Variants in KIF18A observed in about 807,000 individuals in gnomAD.
KIF18A encodes kinesin-like protein KIF18A.
A neutral mutation model predicts 103.3 loss-of-function variants in KIF18A; 67 were observed. The ratio of observed to expected loss-of-function variants is 0.65; its 90% CI spans 0.53 to 0.79. KIF18A has a LOEUF of 0.79. KIF18A is among the 30% of genes least tolerant of loss of function. The pLI, the probability that KIF18A is intolerant of heterozygous loss-of-function variation, is 0.00. For missense variants in KIF18A, 1,032 were observed against 1,062.5 expected, an observed-to-expected ratio of 0.97 and a Z score of 0.40; for synonymous variants, 367 against 355.5, an observed-to-expected ratio of 1.03 and a Z score of -0.36.
intron 1 of KIF18A, among the ~76,000 whole-genome samples, chr11:28,101,135 C>CTTAGAACTGCCCTGTTATAGGGCAT (rs1237665642): frequency 9.2e-5 from 14 of 152,062 alleles, no homozygotes; most frequent in Non-Finnish European, 1.5e-4. Flanking sequence ...TTCTTCCTTG[C>CTTAGAACTGCCCTGTTATAGGGCAT]TTAGAACTGC....
intron 11 of KIF18A, among the ~76,000 whole-genome samples, chr11:28,067,118 AT>A (rs756024002): frequency 3.9e-5 from 6 of 151,972 alleles, no homozygotes; most frequent in Non-Finnish European, 7.4e-5. Flanking sequence ...ATATGCCAGA[AT>A]TACCAAACAC....
chr11:28,092,409 G>A (rs1247612593), intron 3 of KIF18A, among the ~76,000 whole-genome samples: 1 of 152,134 alleles, frequency 6.6e-6, no homozygotes, highest in Non-Finnish European at 1.5e-5. Flanking sequence ...GACTCTGAGA[G>A]GTTAAATGAT....
chr11:28,101,307 G>T (rs1356629990), intron 1 of KIF18A, among the ~76,000 whole-genome samples: 3 of 152,038 alleles, frequency 2.0e-5, no homozygotes, highest in Non-Finnish European at 4.4e-5. Flanking sequence ...TATTTTAACA[G>T]ATATACTATT....
rs559255098 is a variant in KIF18A, at chr11:28,045,227, T to A, written c.1949-8563A>T. Among the ~76,000 whole-genome samples the A allele has an allele frequency of 2.5e-3, 384 of 152,186 alleles. 3 individuals are homozygous for A. The highest frequency in any genetic ancestry group is 8.4e-3 in the African/African-American group (350 of 41,570). On this transcript the variant is annotated intron_variant, in intron 13 of 16. Coordinates refer to ENST00000263181, the MANE Select transcript of KIF18A (RefSeq NM_031217.4). The stretch of plus-strand genomic sequence containing the variant: ...GACTGCCTATACCTCAAGAGAAACA[T>A]CTACAAATGTATTTATTGGTGGTAT...
At chr11:28,098,847 C>CA (rs369135467) in intron 1 of KIF18A, among the ~76,000 whole-genome samples, 8 of 150,766 alleles carry the variant, frequency 5.3e-5, no homozygotes, top group African/African-American at 1.5e-4. Context: ...AAAACCAAAA[C>CA]AAAAAAACAA....
intron 13 of KIF18A, among the ~76,000 whole-genome samples, chr11:28,040,989 T>C (rs1244702237): frequency 2.0e-5 from 3 of 151,788 alleles, no homozygotes; most frequent in Non-Finnish European, 2.9e-5. Flanking sequence ...ACTACTATTT[T>C]GAATCCAGGA....
chr11:28,105,641 A>T (rs1376114186), intron 1 of KIF18A, among the ~76,000 whole-genome samples: 2 of 152,094 alleles, frequency 1.3e-5, no homozygotes, highest in Non-Finnish European at 1.5e-5. Flanking sequence ...CCACTCTCTT[A>T]TATTTCCTTA....
chr11:28,032,700 AAT>A (rs761113298), intron 15 of KIF18A, among the ~76,000 whole-genome samples: 4 of 151,892 alleles, frequency 2.6e-5, no homozygotes, highest in Non-Finnish European at 5.9e-5. Flanking sequence ...TATCTCTTGC[AAT>A]ATACAGAAAT....
intron 11 of KIF18A, among the ~76,000 whole-genome samples, chr11:28,066,822 T>TATTA (rs1468186611): frequency 1.3e-5 from 2 of 148,314 alleles, no homozygotes; most frequent in Admixed American, 6.8e-5. Flanking sequence ...TATTATATTA[T>TATTA]ATTATATTAT....
intron 13 of KIF18A, among the ~76,000 whole-genome samples, chr11:28,046,724 AT>A (rs944935640): frequency 1.6e-5 from 2 of 127,746 alleles, no homozygotes; most frequent in African/African-American, 3.0e-5. Context: ...AAGAAAAAAA[AT>A]ATTGAAATTA....
chr11:28,088,762 T>G, intron 5 of KIF18A, 41 bp from the exon 6 acceptor site: 1 of 1,480,248 alleles, frequency 6.8e-7, no homozygotes, highest in Non-Finnish European at 9.3e-7. Context: ...AGGATAAGAT[T>G]TAACAAAATT....
In KIF18A at chr11:28,062,506, T is replaced by G; in HGVS notation, c.1601A>C (p.Lys534Thr). 6.2e-7 allele frequency: 1 copy of G among 1,610,400 alleles called. No individual in the cohort carries two copies. The highest frequency in any genetic ancestry group is 8.5e-7 in the Non-Finnish European group (1 of 1,177,952). ...GTGCAAATGGTGACAATGAAGATCT[T>G]TCTTGAGTTCCTAGGGCAAACAATA... ...QNGHIPKELK[K>T]DLHCHHLHLQ... The change falls in exon 12 of 17, where the codon AAA (lysine) becomes ACA (threonine). Residue 534 changes from lysine to threonine, a missense_variant. Transcript: ENST00000263181.
intron 15 of KIF18A, among the ~76,000 whole-genome samples, chr11:28,027,886 A>G (rs1407029755): frequency 6.6e-6 from 1 of 151,992 alleles, no homozygotes; most frequent in Non-Finnish European, 1.5e-5. Context: ...CCAGACAAGG[A>G]CACATCAAAA....
chr11:28,054,490 G>A (rs904455575), intron 13 of KIF18A, among the ~76,000 whole-genome samples: 3 of 152,142 alleles, frequency 2.0e-5, no homozygotes, highest in South Asian at 2.1e-4. Flanking sequence ...GATTGCAGGC[G>A]TAAGCCACTG....
intron 13 of KIF18A, among the ~76,000 whole-genome samples, chr11:28,046,619 C>T (rs1191742053): frequency 1.5e-5 from 2 of 137,420 alleles, no homozygotes; most frequent in East Asian, 2.1e-4. Flanking sequence ...GTGGGTGCAG[C>T]GCACCAGCAT....
At chr11:28,044,904 C>T (rs183252759) in intron 13 of KIF18A, among the ~76,000 whole-genome samples, 1 of 151,902 alleles carries the variant, frequency 6.6e-6, no homozygotes, top group African/African-American at 2.4e-5. Context: ...AAAATAAAAA[C>T]AAAAACAGTG....
chr11:28,089,782 C>CA (rs1851278154), intron 5 of KIF18A, among the ~76,000 whole-genome samples: 1 of 152,140 alleles, frequency 6.6e-6, no homozygotes, highest in Non-Finnish European at 1.5e-5. Context: ...ATCTGAACTA[C>CA]ATTAGGTGGC....
chr11:28,089,919 T>G (rs763204289), intron 5 of KIF18A, among the ~76,000 whole-genome samples: 55 of 152,192 alleles, frequency 3.6e-4, no homozygotes, highest in Non-Finnish European at 6.5e-4. Context: ...CTCTCAAGAC[T>G]ATTAATAACC....
intron 15 of KIF18A, among the ~76,000 whole-genome samples, chr11:28,028,296 A>G (rs1241472384): frequency 1.3e-5 from 2 of 152,236 alleles, no homozygotes; most frequent in East Asian, 1.9e-4. Flanking sequence ...CTCCTCAGCA[A>G]ATATAAAAGA....
Sources: allele counts gnomAD v4.1 joint callset (sites outside exome capture counted in the v4.1 genomes callset), GRCh38; gene constraint gnomAD v4.1.1; transcripts MANE v1.5; gene names NCBI Gene and HGNC (gene_info 2026-07-23, HGNC 2026-07-21).